Variants in LLGL1 observed in about 807,000 individuals in gnomAD.
LLGL1 encodes the protein LLGL scribble cell polarity complex component 1.
In LLGL1, 58 loss-of-function variants were observed where a neutral mutation model predicts 110.6. That is an observed-to-expected ratio of 0.52 (90% CI 0.42 to 0.65). LLGL1 has a LOEUF of 0.65. Ranked by LOEUF, LLGL1 falls within the 30% of genes least tolerant of loss-of-function variation. The probability of loss-of-function intolerance (pLI) is 0.00; values close to 1 mark genes in which losing one functional copy is unlikely to be tolerated. For synonymous variants in LLGL1, 674 were observed against 607.2 expected (o/e 1.11, Z -1.62); for missense variants, 1,229 against 1,462.1 (o/e 0.84, Z 2.60).
At chr17:18,243,883 G>C (rs762987993) in intron 22 of LLGL1, 25 bp from the exon 23 acceptor site, 88 of 152,724 alleles carry the variant, frequency 5.8e-4, no homozygotes, top group Non-Finnish European at 1.1e-3. Flanking sequence ...ACCTTCTGCT[G>C]ATACCTCTTC....
intron 13 of LLGL1, 75 bp downstream of exon 13, chr17:18,237,014 G>C: frequency 7.7e-7 from 1 of 1,306,492 alleles, no homozygotes; most frequent in Non-Finnish European, 1.1e-6. Context: ...GGGTCTGGTG[G>C]AAAGGGAGAT....
Position 18,244,736 on chromosome 17 carries a change from A to AGGGGGGGGGGGGTG in LLGL1, c.*840_*841insGGTGGGGGGGGGGG, listed in dbSNP as rs1567700333. On this transcript the variant is annotated 3_prime_UTR_variant, in exon 23 of 23. Coordinates refer to ENST00000316843, the MANE Select transcript of LLGL1 (RefSeq NM_004140.4). ...TGTGTGTCCGGCGGGGGGGGGGGGC[A>AGGGGGGGGGGGGTG]GGGGGGGGGGTCAAGATGAGTTTCC... is the stretch of plus-strand genomic sequence containing the variant. 9.8e-5 allele frequency: 1 copy of AGGGGGGGGGGGGTG among 10,212 alleles called. No individual in the cohort carries two copies. Among genetic ancestry groups the AGGGGGGGGGGGGTG allele is most frequent in the African/African-American group, 3.4e-4 (1 of 2,942 alleles). 0.6% of individuals were successfully genotyped at this position (10,212 alleles called of 1,614,324 possible). A position where few individuals can be genotyped will look rare whatever the true frequency, so the allele number is the denominator to read the frequency against.
Position 18,230,012 on chromosome 17 carries a change from C to T in LLGL1, c.153C>T (p.Ile51=), listed in dbSNP as rs145857913. ...ACCCGGAACTTCGCATCATGGCCAT[C>T]GGCACCAGGTCTGGGGCTGTCAAGA... The part of the protein sequence containing the change: ...AFDPELRIMA[I]GTRSGAVKIY... Residue 51 remains isoleucine (I), a synonymous_variant, in exon 2 of 23, where the codon ATC becomes ATT. Transcript: ENST00000316843. 1.6e-5 allele frequency: 26 copies of T among 1,611,738 alleles called. No individual in the cohort carries two copies. In the African/African-American group the frequency reaches 1.9e-4, roughly 12 times the overall value.
rs2047624790 is a variant in LLGL1 at position 18,233,866 on chromosome 17, T to G, written c.481T>G (p.Phe161Val). The change falls in exon 5 of 23, where the codon TTC becomes GTC. Residue 161 changes from phenylalanine to valine, a missense_variant. Coordinates refer to ENST00000316843, the MANE Select transcript of LLGL1 (RefSeq NM_004140.4). The stretch of plus-strand genomic sequence containing the variant: ...CCTGGGCACTGAGGGCAGCAGTGTC[T>G]TCTTCCTGGATGTTACCACCCTGAC... Reference protein sequence around the residue: ...AALGTEGSSVFFLDVTTLTLL... With the variant: ...AALGTEGSSVVFLDVTTLTLL... 7 of 1,613,696 alleles carry G rather than the reference T, an allele frequency of 4.3e-6. No homozygotes were observed. In the East Asian group the frequency reaches 8.9e-5, roughly 21 times the overall value.
intron 1 of LLGL1, among the ~76,000 whole-genome samples, chr17:18,226,628 C>T (rs1194428027): frequency 1.3e-5 from 2 of 152,238 alleles, no homozygotes; most frequent in African/African-American, 2.4e-5. Flanking sequence ...TTTCTCCATA[C>T]TGTGGGCCCT....
Position 18,235,252 on chromosome 17 carries a change from G to GT in LLGL1, c.1225dup (p.Trp409LeufsTer45), listed in dbSNP as rs2047666244. The GT allele has an allele frequency of 6.2e-7, 1 of 1,610,652 alleles. No individual in the cohort carries two copies. Among genetic ancestry groups the GT allele is most frequent in the Non-Finnish European group, 8.5e-7 (1 of 1,180,032 alleles). Reference sequence around the variant, plus strand: ...ACGTGGCCAGTGTCCCCGCCAAGCTGTGGGCCCGCATTGTGAGCGCTGGCG... The same window carrying GT: ...ACGTGGCCAGTGTCCCCGCCAAGCTGTTGGGCCCGCATTGTGAGCGCTGGCG... On this transcript the variant is annotated frameshift_variant, in exon 10 of 23. Coordinates refer to ENST00000316843, the MANE Select transcript of LLGL1 (RefSeq NM_004140.4). LOFTEE classifies it high-confidence loss of function.
intron 11 of LLGL1, 134 bp downstream of exon 11, chr17:18,235,671 C>A: frequency 1.2e-6 from 1 of 833,140 alleles, no homozygotes; most frequent in Non-Finnish European, 1.9e-6. Flanking sequence ...CCTCCTTGCC[C>A]AAGGTGGTTT....
In LLGL1 at chr17:18,234,089, A is replaced by G; in HGVS notation, c.628A>G (p.Lys210Glu). 6.2e-7 allele frequency: 1 copy of G among 1,612,192 alleles called. No individual in the cohort carries two copies. Among genetic ancestry groups the G allele is most frequent in the Non-Finnish European group, 8.5e-7 (1 of 1,179,046 alleles). Reference protein sequence around the residue: ...SLQGHLRDPTKILIGYSRGLL... With the variant: ...SLQGHLRDPTEILIGYSRGLL... The stretch of plus-strand genomic sequence containing the variant: ...CCAGGGACACCTGCGGGACCCCACA[A>G]AGATTCTCATTGGCTACAGCCGGGG... Residue 210 changes from lysine (K) to glutamate (E), a missense_variant, in exon 6 of 23, where the codon AAG becomes GAG. Physicochemically the swap from Lys to Glu is moderately conservative, Grantham distance 56. Coordinates refer to ENST00000316843, the MANE Select transcript of LLGL1 (RefSeq NM_004140.4).
chr17:18,241,622 G>C lies in LLGL1; in HGVS notation c.2674G>C (p.Val892Leu), dbSNP rs1446160158. The C allele has an allele frequency of 2.5e-6, 4 of 1,613,666 alleles. No homozygotes were observed. The highest frequency in any genetic ancestry group is 2.5e-6 in the Non-Finnish European group (3 of 1,180,038). ...CCTGGGTGACGTCCACGTCTTCTCG[G>C]TGCCTGGCCTGCGGCCCCAGGTGCA... ...TNLGDVHVFS[V>L]PGLRPQVHYS... Residue 892 changes from valine to leucine, a missense_variant, in exon 18 of 23, where the codon GTG (valine) becomes CTG (leucine). Physicochemically the swap from Val to Leu is conservative, Grantham distance 32. Transcript: ENST00000316843.
Position 18,230,031 on chromosome 17 carries a change from G to T in LLGL1, c.172G>T (p.Val58Phe). ...IMAIGTRSGA[V>F]KIYGAPGVEF... The stretch of plus-strand genomic sequence containing the variant: ...GGCCATCGGCACCAGGTCTGGGGCT[G>T]TCAAGATGTATCCTTTGCAGGACAG... Residue 58 changes from valine (V) to phenylalanine (F), a missense_variant, in exon 2 of 23, where the codon GTC becomes TTC. Transcript: ENST00000316843. 2 of 1,610,192 alleles carry T rather than the reference G, an allele frequency of 1.2e-6. No individual in the cohort carries two copies. The highest frequency in any genetic ancestry group is 1.7e-6 in the Non-Finnish European group (2 of 1,179,174).
At position 18,242,863 on chromosome 17, in the gene LLGL1, G is replaced by A. The variant is rs372468276; in HGVS notation, c.*1+41G>A. On this transcript the variant is annotated intron_variant, in intron 22 of 22. Coordinates refer to ENST00000316843, the MANE Select transcript of LLGL1 (RefSeq NM_004140.4). Reference sequence around the variant, plus strand: ...GGCCCTGGTCCTCACCACTGGTGACGTCCACCCCCTTCAGCCCGTCTGGGT... The same window carrying A: ...GGCCCTGGTCCTCACCACTGGTGACATCCACCCCCTTCAGCCCGTCTGGGT... 45 of 1,505,554 alleles carry A rather than the reference G, an allele frequency of 3.0e-5. No homozygotes were observed. In the African/African-American group the frequency reaches 5.3e-4, roughly 18 times the overall value. The allele number at this position is 1,505,554 out of a possible 1,614,324, so 93.3% of individuals were successfully genotyped here. A position where few individuals can be genotyped will look rare whatever the true frequency, so the allele number is the denominator to read the frequency against.
At position 18,242,820 on chromosome 17, in the gene LLGL1, G is replaced by A. The variant is rs1231446164; in HGVS notation, c.3194G>A (p.Ter1065=). The A allele has an allele frequency of 6.4e-7, 1 of 1,551,326 alleles. No homozygotes were observed. The highest frequency in any genetic ancestry group is 8.7e-7 in the Non-Finnish European group (1 of 1,147,666). ...CACGCCTGTGCCATCCTGATCAAATGAGGTGCTGCAGGGGTGGGGCCCTGG... is the reference window on the plus strand; with the variant it reads ...CACGCCTGTGCCATCCTGATCAAATAAGGTGCTGCAGGGGTGGGGCCCTGG... ...EAHACAILIK[*] is the part of the protein sequence containing the mutation. The change falls in exon 22 of 23, where the codon TGA becomes TAA. Residue 1065 remains the stop codon, a splice_region_variant and stop_retained_variant. Coordinates refer to ENST00000316843, the MANE Select transcript of LLGL1 (RefSeq NM_004140.4).
In LLGL1 at chr17:18,235,453, C is replaced by G; in HGVS notation, c.1285-17C>G. On this transcript the variant is annotated splice_polypyrimidine_tract_variant and intron_variant, in intron 10 of 22. Transcript: ENST00000316843. Reference sequence around the variant, plus strand: ...TCGTCCTAACCTTGTGCATACATCTCTGCCACCCCCTCCCAGAGCTGGCCC... The same window carrying G: ...TCGTCCTAACCTTGTGCATACATCTGTGCCACCCCCTCCCAGAGCTGGCCC... The G allele has an allele frequency of 6.2e-7, 1 of 1,614,022 alleles. No individual in the cohort carries two copies. Among genetic ancestry groups the G allele is most frequent in the Non-Finnish European group, 8.5e-7 (1 of 1,179,958 alleles).
At chr17:18,235,344 G>T (rs773280875) in intron 10 of LLGL1, 32 bp downstream of exon 10, 7 of 1,607,724 alleles carry the variant, frequency 4.4e-6, no homozygotes, top group Non-Finnish European at 5.9e-6. Flanking sequence ...GTCTTACAGG[G>T]TGGAGTCTTG....
intron 1 of LLGL1, among the ~76,000 whole-genome samples, chr17:18,226,163 C>T (rs913237056): frequency 1.1e-4 from 16 of 152,080 alleles, no homozygotes; most frequent in African/African-American, 3.9e-4. Context: ...CTGCCCCTTC[C>T]TATCTCTGCC....
In LLGL1 at chr17:18,240,647, T is replaced by G. The variant is rs1044239600; in HGVS notation, c.2276T>G (p.Val759Gly). 8 of 1,612,868 alleles carry G rather than the reference T, an allele frequency of 5.0e-6. No individual in the cohort carries two copies. In the African/African-American group the frequency reaches 9.3e-5, roughly 19 times the overall value. Residue 759 changes from valine (V) to glycine (G), a missense_variant, in exon 17 of 23, where the codon GTG (valine) becomes GGG (glycine). By Grantham distance (109) the Val-to-Gly change is moderately radical (BLOSUM62 -3). Coordinates refer to ENST00000316843, the MANE Select transcript of LLGL1 (RefSeq NM_004140.4). This position sits in a 1 kb window ranked among gnomAD's most constrained non-coding sequence, Gnocchi z 5.3. ...TCTGTGTTCGCCTATGCACTGGAGGTGCCGGCAGCAGCAGTGGGTGGTGAG... is the reference window on the plus strand; with the variant it reads ...TCTGTGTTCGCCTATGCACTGGAGGGGCCGGCAGCAGCAGTGGGTGGTGAG... ...SGSVFAYALE[V>G]PAAAVGGEKR...
At position 18,234,644 on chromosome 17, in the gene LLGL1, CT is replaced by C; in HGVS notation, c.851-4del. The stretch of plus-strand genomic sequence containing the variant: ...AGTCTGGTCTGACGCTGTCCCACCC[CT>C]CAGGCCCCTTTCCCTGCAAGGCCAT... On this transcript the variant is annotated splice_polypyrimidine_tract_variant and splice_region_variant and intron_variant, in intron 7 of 22. Coordinates refer to ENST00000316843, the MANE Select transcript of LLGL1 (RefSeq NM_004140.4). 6.2e-7 allele frequency: 1 copy of C among 1,614,180 alleles called. No homozygotes were observed. The highest frequency in any genetic ancestry group is 8.5e-7 in the Non-Finnish European group (1 of 1,180,028).
intron 2 of LLGL1, among the ~76,000 whole-genome samples, chr17:18,230,341 A>T (rs918891055): frequency 4.6e-5 from 7 of 151,720 alleles, no homozygotes; most frequent in African/African-American, 1.7e-4. Context: ...CGTCCCAGCA[A>T]CTCTGGGGAG....
intron 18 of LLGL1, 69 bp from the exon 19 acceptor site, chr17:18,241,816 C>A: frequency 2.5e-6 from 4 of 1,604,734 alleles, no homozygotes; most frequent in Non-Finnish European, 3.4e-6. Flanking sequence ...TGGGCACAGG[C>A]CCAGGCCACG....
Sources: allele counts gnomAD v4.1 joint callset (sites outside exome capture counted in the v4.1 genomes callset), GRCh38; gene constraint gnomAD v4.1.1; non-coding constraint Gnocchi (gnomAD v3.1); transcripts MANE v1.5; gene names NCBI Gene and HGNC (gene_info 2026-07-23, HGNC 2026-07-21).